Variants in VPS37C observed in about 807,000 individuals in gnomAD.
VPS37C encodes the protein VPS37C subunit of ESCRT-I, also known as vacuolar protein sorting-associated protein 37C.
Under a neutral mutation model 16.1 loss-of-function variants are expected in VPS37C, and 9 were observed. That is an observed-to-expected ratio of 0.56 (90% CI 0.34 to 0.97). The LOEUF (loss-of-function observed/expected upper bound fraction) is 0.97. Ranked by LOEUF, VPS37C falls within the 50% of genes least tolerant of loss-of-function variation. The pLI is 0.02. For missense variants in VPS37C, 479 were observed against 472.7 expected (o/e 1.01, Z -0.12); for synonymous variants, 207 against 206.4 (o/e 1.00, Z -0.02).
At chr11:61,159,724 AAAT>A (rs1237742160) in intron 1 of VPS37C, among the ~76,000 whole-genome samples, 9 of 81,256 alleles carry the variant, frequency 1.1e-4, no homozygotes, top group African/African-American at 3.9e-4. Flanking sequence ...AAAAAAAAAT[AAAT>A]AAATAAATAA....
chr11:61,138,091 C>A (rs1445787231), intron 2 of VPS37C: 1 of 152,334 alleles, frequency 6.6e-6, no homozygotes, highest in Non-Finnish European at 1.5e-5. Flanking sequence ...GAAGCGGGAG[C>A]TTCCAGCACA....
chr11:61,141,106 T>C (rs1418954110), intron 1 of VPS37C, among the ~76,000 whole-genome samples: 1 of 152,160 alleles, frequency 6.6e-6, no homozygotes, highest in East Asian at 1.9e-4. Context: ...CAGTGGCTTA[T>C]GCCTATAATC....
chr11:61,140,717 G>A (rs1315513007), intron 1 of VPS37C, among the ~76,000 whole-genome samples: 3 of 152,226 alleles, frequency 2.0e-5, no homozygotes, highest in Non-Finnish European at 2.9e-5. Flanking sequence ...TCACAGTGGA[G>A]ACCCCTGGTT....
intron 1 of VPS37C, among the ~76,000 whole-genome samples, chr11:61,149,567 C>T (rs1590792178): frequency 6.6e-6 from 1 of 152,184 alleles, no homozygotes; most frequent in East Asian, 1.9e-4. Context: ...TGCCTGTCAA[C>T]TGTGCCAGGC....
At chr11:61,157,565 T>C (rs1394628608) in intron 1 of VPS37C, among the ~76,000 whole-genome samples, 1 of 152,248 alleles carries the variant, frequency 6.6e-6, no homozygotes, top group Admixed American at 6.5e-5. Flanking sequence ...TTCAAGTCCT[T>C]CACCCACTTT....
rs1565191318 is a variant in VPS37C at position 61,134,020 on chromosome 11, A to C, written c.265+16T>G. ...CCCTGAATGGGGACCCTGAGTTCAC[A>C]GAGGAGCCACCCTACCCAGCTTTGC... On this transcript the variant is annotated intron_variant, in intron 3 of 4. Coordinates refer to ENST00000301765, the MANE Select transcript of VPS37C (RefSeq NM_017966.5). 1.3e-6 allele frequency: 2 copies of C among 1,597,964 alleles called. No homozygotes were observed. Among genetic ancestry groups the C allele is most frequent in the Non-Finnish European group, 1.7e-6 (2 of 1,167,708 alleles).
At chr11:61,151,144 CTCGA>C (rs930411794) in intron 1 of VPS37C, among the ~76,000 whole-genome samples, 4 of 152,332 alleles carry the variant, frequency 2.6e-5, no homozygotes, top group African/African-American at 9.6e-5. Flanking sequence ...GCTCGGCTGC[CTCGA>C]TCAAGTCTAT....
chr11:61,140,335 T>C (rs1366700322), intron 1 of VPS37C, among the ~76,000 whole-genome samples: 2 of 152,210 alleles, frequency 1.3e-5, no homozygotes, highest in Middle Eastern at 3.2e-3. Flanking sequence ...AACGACCACA[T>C]GTTCCCATGT....
intron 1 of VPS37C, among the ~76,000 whole-genome samples, chr11:61,139,823 A>AGG (rs1861443958): frequency 6.7e-6 from 1 of 148,276 alleles, no homozygotes; most frequent in African/African-American, 2.5e-5. Context: ...GGCTCACTGC[A>AGG]GCCTTGATCT....
intron 4 of VPS37C, chr11:61,132,803 C>G (rs1206912647): frequency 6.9e-6 from 4 of 580,856 alleles, no homozygotes; most frequent in African/African-American, 3.7e-5. Flanking sequence ...GCCAGGCCCA[C>G]AGTGGCCACT....
rs1316423475 is a variant in VPS37C at position 61,130,323 on chromosome 11, C to T, written c.*1497G>A. ...CATACAGGCGGTCGGTCATCCAGCT[C>T]AGAAGCACTCAAACCAGTAGAGTCC... On this transcript the variant is annotated 3_prime_UTR_variant, in exon 5 of 5. Coordinates refer to ENST00000301765, the MANE Select transcript of VPS37C (RefSeq NM_017966.5). 2 of 153,456 alleles carry T rather than the reference C, an allele frequency of 1.3e-5. No homozygotes were observed. Among genetic ancestry groups the T allele is most frequent in the African/African-American group, 4.8e-5 (2 of 41,488 alleles). 9.5% of individuals were successfully genotyped at this position (153,456 alleles called of 1,614,324 possible). A position where few individuals can be genotyped will look rare whatever the true frequency, so the allele number is the denominator to read the frequency against.
intron 1 of VPS37C, among the ~76,000 whole-genome samples, chr11:61,159,405 C>CAA (rs1853427855): frequency 1.1e-4 from 17 of 152,176 alleles, no homozygotes; most frequent in Admixed American, 1.1e-3. Flanking sequence ...AGAAATTATT[C>CAA]TTAAGGTCCA....
At chr11:61,146,933 G>A (rs1035433970) in intron 1 of VPS37C, among the ~76,000 whole-genome samples, 8 of 152,204 alleles carry the variant, frequency 5.3e-5, no homozygotes, top group African/African-American at 1.7e-4. Flanking sequence ...GTGTATGGCT[G>A]GAAAGCGGCC....
rs955702809 is a variant in VPS37C at position 61,131,651 on chromosome 11, T to A, written c.*169A>T. 1.0e-6 allele frequency: 1 copy of A among 985,850 alleles called. No homozygotes were observed. The highest frequency in any genetic ancestry group is 1.3e-6 in the Non-Finnish European group (1 of 763,950). 61.1% of individuals were successfully genotyped at this position (985,850 alleles called of 1,614,324 possible). Reference sequence around the variant, plus strand: ...CTGGCCAGAAGGCCAGCAAGTGCCATGACCAGTCACACCGCCCAGTGCCTT... The same window carrying A: ...CTGGCCAGAAGGCCAGCAAGTGCCAAGACCAGTCACACCGCCCAGTGCCTT... On this transcript the variant is annotated 3_prime_UTR_variant, in exon 5 of 5. Coordinates refer to ENST00000301765, the MANE Select transcript of VPS37C (RefSeq NM_017966.5).
chr11:61,131,859 C>T lies in VPS37C; in HGVS notation c.1029G>A (p.Gly343=). The part of the protein sequence containing the change: ...PYPPGPAPPY[G]FPPPPGPAWP... ...AGGCAGGCCCCGGCGGTGGTGGGAA[C>T]CCATAGGGAGGGGCGGGCCCGGGGG... The change falls in exon 5 of 5, where the codon GGG becomes GGA. Residue 343 remains glycine, a synonymous_variant. Transcript: ENST00000301765. The T allele has an allele frequency of 7.9e-7, 1 of 1,263,778 alleles. No individual in the cohort carries two copies. The allele number at this position is 1,263,778 out of a possible 1,614,324, so 78.3% of individuals were successfully genotyped here. A position where few individuals can be genotyped will look rare whatever the true frequency, so the allele number is the denominator to read the frequency against.
intron 4 of VPS37C, chr11:61,132,837 A>C (rs902761151): frequency 7.2e-6 from 4 of 554,944 alleles, no homozygotes; most frequent in Non-Finnish European, 1.3e-5. Flanking sequence ...GAACACCTGG[A>C]TGAGCACTAG....
At position 61,131,811 on chromosome 11, in the gene VPS37C, G is replaced by A. The variant is rs974282403; in HGVS notation, c.*9C>T. ...GGGACTAGGGAGGGGCCGAGGGCCAGGAGTGTGTCTAATACCCAGGCCAGG... is the reference window on the plus strand; with the variant it reads ...GGGACTAGGGAGGGGCCGAGGGCCAAGAGTGTGTCTAATACCCAGGCCAGG... On this transcript the variant is annotated 3_prime_UTR_variant, in exon 5 of 5. Transcript: ENST00000301765. 2 of 1,254,310 alleles carry A rather than the reference G, an allele frequency of 1.6e-6. No homozygotes were observed. Among genetic ancestry groups the A allele is most frequent in the African/African-American group, 3.1e-5 (2 of 64,838 alleles). 77.7% of individuals were successfully genotyped at this position (1,254,310 alleles called of 1,614,324 possible).
At chr11:61,141,518 A>T (rs570146600) in intron 1 of VPS37C, among the ~76,000 whole-genome samples, 13 of 152,232 alleles carry the variant, frequency 8.5e-5, no homozygotes, top group Admixed American at 2.0e-4. Context: ...CACAAGCAGA[A>T]GCAACATTGT....
chr11:61,135,523 T>A, intron 2 of VPS37C, among the ~76,000 whole-genome samples: 1 of 152,166 alleles, frequency 6.6e-6, no homozygotes, highest in Non-Finnish European at 1.5e-5. Context: ...AGCCTCAAAC[T>A]CCTGAGCTCG....
Sources: gnomAD v4.1 joint callset for allele counts (sites outside exome capture counted in the v4.1 genomes callset) on GRCh38, gnomAD v4.1.1 for gene constraint, MANE v1.5 for transcripts, NCBI Gene and HGNC (gene_info 2026-07-23, HGNC 2026-07-21) for gene names.